ELAC2: variants seen among roughly 807,000 people sequenced by gnomAD.
The protein encoded by ELAC2 is elaC ribonuclease Z 2.
In ELAC2, 92 loss-of-function variants were observed where a neutral mutation model predicts 105.2. The observed-to-expected ratio is 0.87, with a 90% CI of 0.74 to 1.04. ELAC2 has a LOEUF of 1.04. Among genes scored for constraint, ELAC2 ranks in the 50% least tolerant of loss-of-function variants. ELAC2 has a pLI of 0.00. For missense variants in ELAC2, 1,099 were observed against 1,071.7 expected (o/e 1.03, Z -0.36); for synonymous variants, 468 against 409.1 (o/e 1.14, Z -1.74).
Position 12,995,796 on chromosome 17 carries a change from G to A in ELAC2, c.1715C>T (p.Pro572Leu), listed in dbSNP as rs764448766. Reference protein sequence around the residue: ...RERALASLGKPLHPLLVVAPN... With the variant: ...RERALASLGKLLHPLLVVAPN... ...GGCAACCACCAGCAAAGGGTGAAGC[G>A]GCTTTCCCAAAGATGCCTGGAACAA... is the stretch of plus-strand genomic sequence containing the variant. Residue 572 changes from proline to leucine, a missense_variant, in exon 19 of 24, where the codon CCG becomes CTG. Coordinates refer to ENST00000338034, the MANE Select transcript of ELAC2 (RefSeq NM_018127.7). The A allele has an allele frequency of 2.1e-5, 34 of 1,611,336 alleles. No individual in the cohort carries two copies. The South Asian group carries it at 2.7e-4, about 13-fold the overall frequency.
Position 13,017,802 on chromosome 17 carries a change from G to A in ELAC2, c.146C>T (p.Ser49Leu), listed in dbSNP as rs1235154753. The change falls in exon 1 of 24, where the codon TCG becomes TTG. Residue 49 changes from serine (S) to leucine (L), a missense_variant. Ser to Leu is a moderately radical substitution (Grantham distance 145). Coordinates refer to ENST00000338034, the MANE Select transcript of ELAC2 (RefSeq NM_018127.7). ...HLRTREKRGPSGCSGGPNTVY... is the reference protein window; with the variant it reads ...HLRTREKRGPLGCSGGPNTVY... The stretch of plus-strand genomic sequence containing the variant: ...GGTGTTTGGGCCGCCGGAGCACCCC[G>A]ACGGTCCGCGCTTCTCTCGCGTGCG... 6 of 1,604,690 alleles carry A rather than the reference G, an allele frequency of 3.7e-6. No homozygotes were observed. Among genetic ancestry groups the A allele is most frequent in the Non-Finnish European group, 4.2e-6 (5 of 1,176,660 alleles).
At chr17:13,011,376 T>G (rs2143659472) in intron 7 of ELAC2, among the ~76,000 whole-genome samples, 1 of 152,266 alleles carries the variant, frequency 6.6e-6, no homozygotes, top group East Asian at 1.9e-4. Context: ...ACAAAATGAA[T>G]CCGTTTGTCA....
chr17:12,993,241 C>T (rs2040286750), intron 23 of ELAC2, among the ~76,000 whole-genome samples, 196 bp from the exon 24 acceptor site: 1 of 152,222 alleles, frequency 6.6e-6, no homozygotes, highest in Non-Finnish European at 1.5e-5. Context: ...CTCCCCAGGC[C>T]TGGCTAAGGG....
chr17:12,991,794 C>CTTCT lies in ELAC2; in HGVS notation c.*1020_*1023dup, dbSNP rs563101158. Among the ~76,000 whole-genome samples the CTTCT allele has an allele frequency of 2.5e-3, 294 of 119,688 alleles. 1 individual carries two copies. The highest frequency in any genetic ancestry group is 7.9e-3 in the African/African-American group (286 of 36,390). 78.5% of individuals were successfully genotyped at this position (119,688 alleles called of 152,430 possible). The stretch of plus-strand genomic sequence containing the variant: ...GCTTGTCTTTTGAGTTTTTAAAGCT[C>CTTCT]TTCTTTTTACATTCTCCTGGGTAGG... On this transcript the variant is annotated 3_prime_UTR_variant, in exon 24 of 24. Transcript: ENST00000338034.
Position 13,011,696 on chromosome 17 carries a change from C to A in ELAC2, c.646G>T (p.Glu216Ter), listed in dbSNP as rs1382116568. ...AGGTGTGGCTCATTTTCATTCGACT[C>A]GGAGTCTGAAGATCGCTCTGGACTG... The part of the protein sequence containing the change: ...RLSPERSSDS[E>*]SNENEPHLPH... Residue 216 changes from glutamate to a stop codon, truncating the protein, a stop_gained, in exon 7 of 24, where the codon GAG becomes TAG. Coordinates refer to ENST00000338034, the MANE Select transcript of ELAC2 (RefSeq NM_018127.7). LOFTEE classifies it high-confidence loss of function. The A allele has an allele frequency of 1.2e-6, 2 of 1,614,018 alleles. No homozygotes were observed. Among genetic ancestry groups the A allele is most frequent in the African/African-American group, 1.3e-5 (1 of 74,894 alleles).
At chr17:13,015,542 G>C (rs1395194558) in intron 4 of ELAC2, among the ~76,000 whole-genome samples, 1 of 152,180 alleles carries the variant, frequency 6.6e-6, no homozygotes, top group Non-Finnish European at 1.5e-5. Flanking sequence ...TATGAAACGT[G>C]ATAGTCATCT....
At chr17:13,008,662 A>G (rs1050766543) in intron 8 of ELAC2, among the ~76,000 whole-genome samples, 2 of 152,184 alleles carry the variant, frequency 1.3e-5, no homozygotes, top group African/African-American at 4.8e-5. Flanking sequence ...ATAACGCCCC[A>G]ACAGTGCACC....
At chr17:13,003,658 G>C in intron 11 of ELAC2, 84 bp from the exon 12 acceptor site, 2 of 1,235,124 alleles carry the variant, frequency 1.6e-6, no homozygotes, top group Admixed American at 3.5e-5. Flanking sequence ...GAGGGGTATC[G>C]TGCGGCCCTC....
intron 16 of ELAC2, 143 bp from the exon 17 acceptor site, chr17:12,996,828 A>G (rs2040501640): frequency 1.7e-6 from 2 of 1,149,460 alleles, no homozygotes; most frequent in Admixed American, 2.0e-5. Flanking sequence ...CTAATATAAA[A>G]GCCAATTAAT....
chr17:13,010,783 CTACT>C, intron 7 of ELAC2, 112 bp from the exon 8 acceptor site: 1 of 957,880 alleles, frequency 1.0e-6, no homozygotes, highest in South Asian at 1.4e-5. Flanking sequence ...TTAATGGACG[CTACT>C]GTCCCAATAC....
intron 8 of ELAC2, chr17:13,006,207 C>A: frequency 1.9e-6 from 1 of 518,530 alleles, no homozygotes; most frequent in East Asian, 3.6e-5. Context: ...CCCGTCTCTA[C>A]TAAAAATACA....
At chr17:12,998,538 T>C (rs748259726) in intron 15 of ELAC2, 30 bp from the exon 16 acceptor site, 1 of 1,594,652 alleles carries the variant, frequency 6.3e-7, no homozygotes, top group Admixed American at 1.7e-5. Context: ...AAACAATCCA[T>C]TCCTTTGGGT....
intron 1 of ELAC2, chr17:13,017,338 C>A (rs924710857): frequency 8.0e-5 from 51 of 638,872 alleles, no homozygotes; most frequent in Admixed American, 1.4e-4. Context: ...GGTGCTAGGA[C>A]AAAATGAGTC....
chr17:13,007,517 C>T (rs1304989808), intron 8 of ELAC2, among the ~76,000 whole-genome samples: 3 of 152,200 alleles, frequency 2.0e-5, no homozygotes, highest in African/African-American at 7.2e-5. Context: ...AACCATGTCA[C>T]GACCCAACAT....
intron 16 of ELAC2, among the ~76,000 whole-genome samples, chr17:12,997,154 T>G (rs7216413): frequency 0.27 from 40,639 of 152,076 alleles, 5,686 homozygotes; most frequent in Middle Eastern, 0.33. Context: ...CAAAGACACC[T>G]GGTGCAGGGC....
At position 12,991,868 on chromosome 17, in the gene ELAC2, CT is replaced by C. The variant is rs61470229; in HGVS notation, c.*949del. Among the ~76,000 whole-genome samples, 16 of 126,292 alleles carry C rather than the reference CT, an allele frequency of 1.3e-4. No individual in the cohort carries two copies. The highest frequency in any genetic ancestry group is 4.0e-4 in the East Asian group (2 of 5,026). 82.9% of individuals were successfully genotyped at this position (126,292 alleles called of 152,430 possible). A position where few individuals can be genotyped will look rare whatever the true frequency, so the allele number is the denominator to read the frequency against. On this transcript the variant is annotated 3_prime_UTR_variant, in exon 24 of 24. Transcript: ENST00000338034. ...TTCAACTTACTTACTTACTTACTTA[CT>C]TTACTTACTTACTTCCTTGGAAAAT...
At position 13,014,455 on chromosome 17, in the gene ELAC2, CA is replaced by C; in HGVS notation, c.473del (p.Leu158Ter). 1 of 1,613,696 alleles carries C rather than the reference CA, an allele frequency of 6.2e-7. No homozygotes were observed. The highest frequency in any genetic ancestry group is 1.7e-4 in the Middle Eastern group (1 of 6,060). Reference protein sequence around the residue: ...LEAIKIFSGPLKGIELAVRPH... With the variant: ...LEAIKIFSGPXKGIELAVRPH... ...AAGACGTACCCAGTTCTATTCCTTT[CA>C]ATGGACCAGAAAATATTTTGATTGC... On this transcript the variant is annotated frameshift_variant, in exon 5 of 24. Coordinates refer to ENST00000338034, the MANE Select transcript of ELAC2 (RefSeq NM_018127.7). LOFTEE classifies it high-confidence loss of function.
In ELAC2 at chr17:13,007,089, C is replaced by T. The variant is rs148410087; in HGVS notation, c.739-1110G>A. On this transcript the variant is annotated intron_variant, in intron 8 of 23. Transcript: ENST00000338034. ...TCGTGCCACTGCACTCCAGCCTGGGCGACAGAGTGAGACTCTGTCTCAAAA... is the reference window on the plus strand; with the variant it reads ...TCGTGCCACTGCACTCCAGCCTGGGTGACAGAGTGAGACTCTGTCTCAAAA... Among the ~76,000 whole-genome samples, 218 of 148,226 alleles carry T rather than the reference C, an allele frequency of 1.5e-3. 1 individual carries two copies. The highest frequency in any genetic ancestry group is 5.3e-3 in the African/African-American group (211 of 40,066).
Position 13,013,217 on chromosome 17 carries a change from G to A in ELAC2, c.549C>T (p.Ile183=). The A allele has an allele frequency of 6.2e-7, 1 of 1,614,182 alleles. No homozygotes were observed. Among genetic ancestry groups the A allele is most frequent in the Non-Finnish European group, 8.5e-7 (1 of 1,180,040 alleles). Reference sequence around the variant, plus strand: ...GGCTTTCATACTCACTGTGTATGGGGATCTGGTAAACTGTCATGGTTTCAT... The same window carrying A: ...GGCTTTCATACTCACTGTGTATGGGAATCTGGTAAACTGTCATGGTTTCAT... ...YEDETMTVYQ[I]PIHSEQRRGK... The change falls in exon 6 of 24, where the codon ATC becomes ATT. Residue 183 remains isoleucine (I), a synonymous_variant. Coordinates refer to ENST00000338034, the MANE Select transcript of ELAC2 (RefSeq NM_018127.7).
Sources: allele counts gnomAD v4.1 joint callset (sites outside exome capture counted in the v4.1 genomes callset), GRCh38; gene constraint gnomAD v4.1.1; transcripts MANE v1.5; gene names NCBI Gene and HGNC (gene_info 2026-07-23, HGNC 2026-07-21).